Variants in CNTN5 observed in about 807,000 individuals in gnomAD.
CNTN5 encodes the protein contactin 5.
A neutral mutation model predicts 129.1 loss-of-function variants in CNTN5; 77 were observed. The ratio of observed to expected loss-of-function variants is 0.60; its 90% CI spans 0.50 to 0.72. The LOEUF (loss-of-function observed/expected upper bound fraction) is 0.72, where lower values mean the gene tolerates loss of function less well. Among genes scored for constraint, CNTN5 ranks in the 30% least tolerant of loss-of-function variants. The pLI, the probability that CNTN5 is intolerant of heterozygous loss-of-function variation, is 0.00. For synonymous variants in CNTN5, 509 were observed against 465.6 expected, an observed-to-expected ratio of 1.09 and a Z score of -1.20; for missense variants, 1,478 against 1,328.8, an observed-to-expected ratio of 1.11 and a Z score of -1.75.
intron 1 of CNTN5, among the ~76,000 whole-genome samples, chr11:99,247,974 C>T (rs1170258752): frequency 6.6e-6 from 1 of 152,110 alleles, no homozygotes; most frequent in African/African-American, 2.4e-5. Flanking sequence ...TGGGTATATA[C>T]CCAGTAATGG....
At chr11:99,948,109 G>A (rs887490103) in intron 7 of CNTN5, among the ~76,000 whole-genome samples, 14 of 152,042 alleles carry the variant, frequency 9.2e-5, no homozygotes, top group Admixed American at 5.9e-4. Flanking sequence ...ACCTTTCTAC[G>A]CATCAAACAC....
intron 2 of CNTN5, among the ~76,000 whole-genome samples, chr11:99,338,816 G>A (rs1378826791): frequency 1.3e-5 from 2 of 150,238 alleles, no homozygotes; most frequent in South Asian, 2.1e-4. Flanking sequence ...GTTATAAAAT[G>A]TGTTAAATAA....
chr11:99,984,854 G>A (rs1255640483), intron 8 of CNTN5, among the ~76,000 whole-genome samples: 1 of 152,216 alleles, frequency 6.6e-6, no homozygotes. Flanking sequence ...TTTCATGACC[G>A]CTTTGTCAGA....
At chr11:100,135,176 G>GTTTTT (rs10652749) in intron 13 of CNTN5, among the ~76,000 whole-genome samples, 1 of 127,092 alleles carries the variant, frequency 7.9e-6, no homozygotes, top group African/African-American at 2.9e-5. Context: ...ATATAAAAGT[G>GTTTTT]TTTTTTTTTT....
intron 9 of CNTN5, among the ~76,000 whole-genome samples, chr11:100,030,030 C>T (rs1292034041): frequency 6.6e-6 from 1 of 152,116 alleles, no homozygotes; most frequent in Non-Finnish European, 1.5e-5. Flanking sequence ...CTGTTCTGTG[C>T]TCTACTTTGA....
rs184367897 is a variant in CNTN5, at chr11:99,793,252, G to T, written c.56-26292G>T. 0.011 allele frequency among the ~76,000 whole-genome samples: 1,701 copies of T among 152,092 alleles called. 71 individuals are homozygous for T. In the East Asian group the frequency reaches 0.14, roughly 12 times the overall value. On this transcript the variant is annotated intron_variant, in intron 3 of 24. Coordinates refer to ENST00000524871, the MANE Select transcript of CNTN5 (RefSeq NM_014361.4). The stretch of plus-strand genomic sequence containing the variant: ...TGTTTTGTATTTTTAGTAGAGACGG[G>T]GTTTCACCGTGTTAGCCAGGATGGT...
chr11:100,214,564 C>G (rs1192337985), intron 15 of CNTN5, among the ~76,000 whole-genome samples: 2 of 152,184 alleles, frequency 1.3e-5, no homozygotes, highest in Non-Finnish European at 2.9e-5. Context: ...CTTTCCAACA[C>G]TACGTGGAAG....
At chr11:99,748,514 C>G (rs925792060) in intron 3 of CNTN5, among the ~76,000 whole-genome samples, 2 of 152,088 alleles carry the variant, frequency 1.3e-5, no homozygotes, top group South Asian at 2.1e-4. Context: ...ACAATATGCT[C>G]TGTGCAAGCT....
intron 13 of CNTN5, among the ~76,000 whole-genome samples, chr11:100,156,397 G>A (rs1170235322): frequency 3.9e-5 from 6 of 152,050 alleles, no homozygotes; most frequent in African/African-American, 1.4e-4. Flanking sequence ...TGCTGGATTT[G>A]GTTTGCCAGT....
chr11:99,526,185 T>C (rs537128688), intron 2 of CNTN5, among the ~76,000 whole-genome samples: 1 of 152,246 alleles, frequency 6.6e-6, no homozygotes, highest in South Asian at 2.1e-4. Flanking sequence ...GATCTAATAA[T>C]AAAGAAGAGA....
chr11:100,337,631 A>G (rs1467636036), intron 21 of CNTN5: 2 of 691,470 alleles, frequency 2.9e-6, no homozygotes, highest in East Asian at 3.1e-5. Context: ...AATAACGGGA[A>G]CTAATTGGGT....
At chr11:99,081,358 G>A (rs551962240) in intron 1 of CNTN5, among the ~76,000 whole-genome samples, 22 of 152,234 alleles carry the variant, frequency 1.4e-4, no homozygotes, top group East Asian at 5.8e-4. Context: ...AACATAAAGC[G>A]TAGGCAGATG....
At chr11:99,825,349 T>G (rs1298156679) in intron 4 of CNTN5, among the ~76,000 whole-genome samples, 1 of 152,048 alleles carries the variant, frequency 6.6e-6, no homozygotes, top group Non-Finnish European at 1.5e-5. Context: ...TGATTATCAC[T>G]AATGAAATTA....
chr11:99,739,241 AAGCTCAAGTT>A (rs1214816374), intron 3 of CNTN5, among the ~76,000 whole-genome samples: 1 of 152,130 alleles, frequency 6.6e-6, no homozygotes, highest in Non-Finnish European at 1.5e-5. Flanking sequence ...AAATAACCTA[AAGCTCAAGTT>A]GCCCGTCTTA....
chr11:99,268,512 T>A (rs1450303387), intron 1 of CNTN5, among the ~76,000 whole-genome samples: 2 of 151,862 alleles, frequency 1.3e-5, no homozygotes, highest in Admixed American at 1.3e-4. Flanking sequence ...TCATTATTAG[T>A]CCCTACATTG....
At chr11:99,462,342 CT>C (rs1187294696) in intron 2 of CNTN5, among the ~76,000 whole-genome samples, 1 of 122,666 alleles carries the variant, frequency 8.2e-6, no homozygotes, top group Non-Finnish European at 1.7e-5. Context: ...TCTTTTTTTT[CT>C]TTTTTTCTTT....
chr11:99,060,907 C>T (rs543296120), intron 1 of CNTN5, among the ~76,000 whole-genome samples: 1 of 152,166 alleles, frequency 6.6e-6, no homozygotes, highest in East Asian at 1.9e-4. Flanking sequence ...GCAAGTAAGG[C>T]ATCCTGACTC....
In CNTN5 at chr11:99,953,866, A is replaced by C. The variant is rs563150403; in HGVS notation, c.674-2940A>C. 2.0e-5 allele frequency among the ~76,000 whole-genome samples: 3 copies of C among 152,222 alleles called. No homozygotes were observed. In the South Asian group the frequency reaches 6.2e-4, roughly 32 times the overall value. The stretch of plus-strand genomic sequence containing the variant: ...CGATTGAAATTTAACATAAACATTG[A>C]TCCTTTTGTTGCAATTGCTTTTGGT... On this transcript the variant is annotated intron_variant, in intron 7 of 24. Transcript: ENST00000524871.
chr11:99,827,039 G>C (rs1310861663), intron 4 of CNTN5, among the ~76,000 whole-genome samples: 2 of 151,996 alleles, frequency 1.3e-5, no homozygotes, highest in African/African-American at 4.8e-5. Flanking sequence ...AGATATATTT[G>C]GTCAGAGCAG....
Sources: allele counts gnomAD v4.1 joint callset (sites outside exome capture counted in the v4.1 genomes callset), GRCh38; gene constraint gnomAD v4.1.1; transcripts MANE v1.5; gene names NCBI Gene and HGNC (gene_info 2026-07-23, HGNC 2026-07-21).